Variants in TTN observed in about 807,000 individuals in gnomAD.
The protein encoded by TTN is titin.
Under a neutral mutation model 3,223.0 loss-of-function variants are expected in TTN, and 1,525 were observed. The ratio of observed to expected loss-of-function variants is 0.47; its 90% CI spans 0.45 to 0.49. TTN has a LOEUF of 0.49. Ranked by LOEUF, TTN falls within the 20% of genes least tolerant of loss-of-function variation. The pLI is 0.00. For synonymous variants in TTN, 14,094 were observed against 15,161.0 expected, an observed-to-expected ratio of 0.93 and a Z score of 5.17; for missense variants, 40,786 against 43,424.0, an observed-to-expected ratio of 0.94 and a Z score of 5.40.
chr2:178,791,211 T>C (rs543759278), intron 10 of TTN, among the ~76,000 whole-genome samples: 1 of 152,290 alleles, frequency 6.6e-6, no homozygotes, highest in South Asian at 2.1e-4. Flanking sequence ...CCTTTGATTA[T>C]CCTAAGTAGG....
chr2:178,789,945 T>C, intron 12 of TTN, 33 bp downstream of exon 12: 1 of 1,611,822 alleles, frequency 6.2e-7, no homozygotes, highest in Non-Finnish European at 8.5e-7. Flanking sequence ...AGTTTAAAGA[T>C]GAACTTTTCA....
At position 178,799,734 on chromosome 2, in the gene TTN, G is replaced by A. The variant is rs758965770; in HGVS notation, c.670-3C>T. On this transcript the variant is annotated splice_polypyrimidine_tract_variant and splice_region_variant and intron_variant, in intron 5 of 362. Coordinates refer to ENST00000589042, the MANE Select transcript of TTN (RefSeq NM_001267550.2). ...GCATCAAAGTGGGCTTCAATCTTCT[G>A]TAAAAGATTAAAACAAAGCCCACGT... The A allele has an allele frequency of 7.4e-6, 12 of 1,614,162 alleles. No individual in the cohort carries two copies. The highest frequency in any genetic ancestry group is 1.0e-5 in the Non-Finnish European group (12 of 1,180,016).
Position 178,532,959 on chromosome 2 carries a change from G to C in TTN, c.103656C>G (p.Thr34552=), listed in dbSNP as rs566269792. The change falls in exon 358 of 363, where the codon ACC becomes ACG. Residue 34552 remains threonine, a synonymous_variant. Transcript: ENST00000589042. ...VPEPRKYKQT[T]IEEDQRIKQF... ...GCTTGATGCGTTGGTCTTCTTCTATGGTAGTCTGCTTATACTTGCGTGGCT... is the reference window on the plus strand; with the variant it reads ...GCTTGATGCGTTGGTCTTCTTCTATCGTAGTCTGCTTATACTTGCGTGGCT... 2 of 1,613,872 alleles carry C rather than the reference G, an allele frequency of 1.2e-6. No homozygotes were observed. The highest frequency in any genetic ancestry group is 2.2e-5 in the East Asian group (1 of 44,862).
rs747240394 is a variant in TTN at position 178,727,656 on chromosome 2, G to A, written c.19922C>T (p.Thr6641Ile). The change falls in exon 68 of 363, where the codon ACT becomes ATT. Residue 6641 changes from threonine (T) to isoleucine (I), a missense_variant. Thr to Ile is a moderately conservative substitution (Grantham distance 89). Coordinates refer to ENST00000589042, the MANE Select transcript of TTN (RefSeq NM_001267550.2). ...GGTAACATGGCAAGTATACTGTCCA[G>A]TCTTAGAAGCATCCACTGAGTAGAG... ...LNLYSVDASKTGQYTCHVTND... is the reference protein window; with the variant it reads ...LNLYSVDASKIGQYTCHVTND... The A allele has an allele frequency of 6.2e-7, 1 of 1,612,778 alleles. No individual in the cohort carries two copies. The highest frequency in any genetic ancestry group is 1.7e-5 in the Admixed American group (1 of 59,936).
chr2:178,618,084 G>A lies in TTN; in HGVS notation c.47270-3C>T, dbSNP rs752901611. ...ATTCAAAGGAGGGCCTGGAACATCT[G>A]GATTTCACCACAGAAGAAGAAAATA... On this transcript the variant is annotated splice_region_variant and splice_polypyrimidine_tract_variant and intron_variant, in intron 252 of 362. Transcript: ENST00000589042. 5.0e-6 allele frequency: 8 copies of A among 1,611,652 alleles called. No homozygotes were observed. The highest frequency in any genetic ancestry group is 1.7e-5 in the Admixed American group (1 of 59,736).
At position 178,611,216 on chromosome 2, in the gene TTN, C is replaced by A; in HGVS notation, c.50913G>T (p.Lys16971Asn). The change falls in exon 270 of 363, where the codon AAG (lysine) becomes AAT (asparagine). Residue 16971 changes from lysine (K) to asparagine (N), a missense_variant. By Grantham distance (94) the Lys-to-Asn change is moderately conservative. Coordinates refer to ENST00000589042, the MANE Select transcript of TTN (RefSeq NM_001267550.2). ...THDIIVIEGE[K>N]LSIPVPFRAV... ...CTCTGAAGGGAACAGGAATGCTTAACTTTTCACCTTCAATAACAATAATGT... is the reference window on the plus strand; with the variant it reads ...CTCTGAAGGGAACAGGAATGCTTAAATTTTCACCTTCAATAACAATAATGT... 6.2e-7 allele frequency: 1 copy of A among 1,612,636 alleles called. No homozygotes were observed. The highest frequency in any genetic ancestry group is 8.5e-7 in the Non-Finnish European group (1 of 1,179,236).
In TTN at chr2:178,672,306, A is replaced by T; in HGVS notation, c.34931-39T>A. The T allele has an allele frequency of 1.9e-6, 3 of 1,605,248 alleles. No homozygotes were observed. In the African/African-American group the frequency reaches 4.0e-5, roughly 22 times the overall value. On this transcript the variant is annotated intron_variant, in intron 154 of 362. Coordinates refer to ENST00000589042, the MANE Select transcript of TTN (RefSeq NM_001267550.2). ...TATTTTAAGACTTATTTTTTTAAAC[A>T]CTGAAGAAATAAAGATGTACATTCA... is the stretch of plus-strand genomic sequence containing the variant.
At position 178,678,245 on chromosome 2, in the gene TTN, T is replaced by C. The variant is rs758340688; in HGVS notation, c.33911-37A>G. The C allele has an allele frequency of 7.6e-6, 12 of 1,574,348 alleles. No individual in the cohort carries two copies. In the Admixed American group the frequency reaches 9.4e-5, roughly 12 times the overall value. On this transcript the variant is annotated intron_variant, in intron 144 of 362. Coordinates refer to ENST00000589042, the MANE Select transcript of TTN (RefSeq NM_001267550.2). ...TTATTTATATTTAGGAATATGTTCT[T>C]TTAAAATGTCTTAGAGCAATAGATA...
intron 49 of TTN, among the ~76,000 whole-genome samples, 170 bp from the exon 50 acceptor site, chr2:178,736,244 T>C (rs1196203560): frequency 2.0e-5 from 3 of 152,174 alleles, no homozygotes; most frequent in African/African-American, 4.8e-5. Flanking sequence ...AGGAAAGGGA[T>C]GAGAGTGTTC....
Position 178,566,570 on chromosome 2 carries a change from C to T in TTN, c.79562G>A (p.Gly26521Glu). 1.9e-6 allele frequency: 3 copies of T among 1,612,958 alleles called. No homozygotes were observed. The highest frequency in any genetic ancestry group is 1.1e-5 in the South Asian group (1 of 91,076). ...PIYDGGSEIL[G>E]YVVEICKADE... ...TGCTTTACAGATTTCTACTACATAT[C>T]CCAAGATCTCACTGCCGCCATCATA... Residue 26521 changes from glycine to glutamate, a missense_variant, in exon 326 of 363, where the codon GGA becomes GAA. Transcript: ENST00000589042.
chr2:178,560,485 T>C lies in TTN; in HGVS notation c.85647A>G (p.Thr28549=). ...SVAIKALDPF[T]VPSPPTSLEI... is the part of the protein sequence containing the mutation. ...CCAAAGACGTGGGTGGACTTGGAAC[T>C]GTAAATGGATCTAGTGCCTTTATAG... Residue 28549 remains threonine (T), a synonymous_variant, in exon 326 of 363, where the codon ACA becomes ACG. Coordinates refer to ENST00000589042, the MANE Select transcript of TTN (RefSeq NM_001267550.2). 1 of 1,613,254 alleles carries C rather than the reference T, an allele frequency of 6.2e-7. No homozygotes were observed.
chr2:178,673,687 C>T lies in TTN; in HGVS notation c.34732G>A (p.Val11578Ile). The change falls in exon 152 of 363, where the codon GTA becomes ATA. Residue 11578 changes from valine to isoleucine, a missense_variant. Physicochemically the swap from Val to Ile is conservative, Grantham distance 29. Transcript: ENST00000589042. ...GGAACAGGAGTAGGTGCTTCAGGTACTGCTTTCTTAATCACTTCAGGCACT... is the reference window on the plus strand; with the variant it reads ...GGAACAGGAGTAGGTGCTTCAGGTATTGCTTTCTTAATCACTTCAGGCACT... ...PRVPEVIKKA[V>I]PEAPTPVPKK... The T allele has an allele frequency of 6.3e-7, 1 of 1,590,790 alleles. No homozygotes were observed. Among genetic ancestry groups the T allele is most frequent in the South Asian group, 1.2e-5 (1 of 84,720 alleles).
In TTN at chr2:178,576,724, A is replaced by G; in HGVS notation, c.69520T>C (p.Tyr23174His). 2 of 1,613,446 alleles carry G rather than the reference A, an allele frequency of 1.2e-6. No individual in the cohort carries two copies. Among genetic ancestry groups the G allele is most frequent in the Non-Finnish European group, 1.7e-6 (2 of 1,179,606 alleles). The stretch of plus-strand genomic sequence containing the variant: ...TTCTTTTCTCTCCTTTCTACATGAT[A>G]TCCTGTAATTTCGCTGCCACCATCA... ...VDDGGSEITG[Y>H]HVERREKKSL... The change falls in exon 325 of 363, where the codon TAT becomes CAT. Residue 23174 changes from tyrosine (Y) to histidine (H), a missense_variant. Transcript: ENST00000589042. This position sits in a 1 kb window ranked among gnomAD's most constrained non-coding sequence, Gnocchi z 4.3.
At position 178,635,690 on chromosome 2, in the gene TTN, T is replaced by A; in HGVS notation, c.41634A>T (p.Lys13878Asn). ...VVEVIRDWLV[K>N]PIRDQHVKPK... ...GTTTCACATGCTGGTCTCGTATAGG[T>A]TTCACCAGCCAATCTCTAATGACTT... Residue 13878 changes from lysine (K) to asparagine (N), a missense_variant, in exon 227 of 363, where the codon AAA becomes AAT. By Grantham distance (94) the Lys-to-Asn change is moderately conservative. Transcript: ENST00000589042. 6.2e-7 allele frequency: 1 copy of A among 1,601,596 alleles called. No homozygotes were observed. Among genetic ancestry groups the A allele is most frequent in the Non-Finnish European group, 8.5e-7 (1 of 1,173,844 alleles).
Position 178,665,373 on chromosome 2 carries a change from G to A in TTN, c.36043+4C>T, listed in dbSNP as rs370368656. The stretch of plus-strand genomic sequence containing the variant: ...TCTTCCACATTTGTTCAGAGGTAAC[G>A]TACTTTTCATACGTGGAGTTTCTGG... On this transcript the variant is annotated splice_donor_region_variant and intron_variant, in intron 165 of 362. Coordinates refer to ENST00000589042, the MANE Select transcript of TTN (RefSeq NM_001267550.2). 44 of 1,611,466 alleles carry A rather than the reference G, an allele frequency of 2.7e-5. No individual in the cohort carries two copies. Among genetic ancestry groups the A allele is most frequent in the Middle Eastern group, 3.3e-4 (2 of 6,082 alleles).
At chr2:178,666,766 T>C (rs2065996507) in intron 163 of TTN, 58 bp downstream of exon 163, 1 of 1,398,150 alleles carries the variant, frequency 7.2e-7, no homozygotes, top group Non-Finnish European at 9.6e-7. Flanking sequence ...TATTTTTACA[T>C]GTGTTAAGTA....
intron 216 of TTN, 110 bp from the exon 217 acceptor site, chr2:178,646,140 A>ATATATG (rs2061956129): frequency 1.9e-5 from 3 of 159,964 alleles, no homozygotes; most frequent in African/African-American, 5.7e-5. Context: ...ATATATATAT[A>ATATATG]TATATATGAA....
At position 178,542,315 on chromosome 2, in the gene TTN, C is replaced by G. The variant is rs111616037; in HGVS notation, c.97441G>C (p.Gly32481Arg). 9 of 1,612,504 alleles carry G rather than the reference C, an allele frequency of 5.6e-6. No individual in the cohort carries two copies. The highest frequency in any genetic ancestry group is 1.1e-5 in the South Asian group (1 of 90,862). Residue 32481 changes from glycine (G) to arginine (R), a missense_variant, in exon 349 of 363, where the codon GGG (glycine) becomes CGG (arginine). Coordinates refer to ENST00000589042, the MANE Select transcript of TTN (RefSeq NM_001267550.2). ...TCAGACTGCAAGTAAGAGCCAATCC[C>G]GAAGCGGTTTGTTGCAGCCACACGG... Reference protein sequence around the residue: ...VFRVAATNRFGIGSYLQSEVI... With the variant: ...VFRVAATNRFRIGSYLQSEVI...
chr2:178,573,441 C>T lies in TTN; in HGVS notation c.72691G>A (p.Val24231Met). The T allele has an allele frequency of 6.6e-7, 1 of 1,517,552 alleles. No homozygotes were observed. The highest frequency in any genetic ancestry group is 1.4e-5 in the African/African-American group (1 of 71,796). The allele number at this position is 1,517,552 out of a possible 1,614,324, so 94.0% of individuals were successfully genotyped here. The stretch of plus-strand genomic sequence containing the variant: ...ATCGAATCTTTAGTAATAGTTGTCA[C>T]TTCAGGGTTTTTGGGCGGATCAGGG... Reference protein sequence around the residue: ...GPPDPPKNPEVTTITKDSMVV... With the variant: ...GPPDPPKNPEMTTITKDSMVV... Residue 24231 changes from valine to methionine, a missense_variant, in exon 326 of 363, where the codon GTG becomes ATG. Physicochemically the swap from Val to Met is conservative, Grantham distance 21. Coordinates refer to ENST00000589042, the MANE Select transcript of TTN (RefSeq NM_001267550.2).
Sources: allele counts gnomAD v4.1 joint callset (sites outside exome capture counted in the v4.1 genomes callset), GRCh38; gene constraint gnomAD v4.1.1; non-coding constraint Gnocchi (gnomAD v3.1); transcripts MANE v1.5; gene names NCBI Gene and HGNC (gene_info 2026-07-23, HGNC 2026-07-21).